The following EMSY variants were observed in gnomAD, a reference collection of about 807,000 sequenced individuals.
EMSY encodes the protein BRCA2-interacting transcriptional repressor EMSY.
EMSY carries 26 observed loss-of-function variants against 134.6 expected under a neutral mutation model. The observed-to-expected ratio is 0.19, with a 90% CI of 0.14 to 0.27. The LOEUF (loss-of-function observed/expected upper bound fraction) is 0.27, where lower values mean the gene tolerates loss of function less well. EMSY is among the 10% of genes least tolerant of loss of function. The pLI is 1.00. For missense variants in EMSY, 1,305 were observed against 1,611.4 expected, an observed-to-expected ratio of 0.81 and a Z score of 3.26; for synonymous variants, 579 against 577.8, an observed-to-expected ratio of 1.00 and a Z score of -0.03.
intron 20 of EMSY, among the ~76,000 whole-genome samples, chr11:76,548,394 C>G (rs1270923412): frequency 3.9e-5 from 6 of 152,180 alleles, no homozygotes; most frequent in African/African-American, 9.7e-5. Context: ...TTCATTCATT[C>G]ATTTATTCCA....
intron 12 of EMSY, among the ~76,000 whole-genome samples, chr11:76,524,652 A>C (rs1358354700): frequency 6.6e-6 from 1 of 152,226 alleles, no homozygotes; most frequent in African/African-American, 2.4e-5. Context: ...GTCATGTATG[A>C]TTCATAGCTG....
chr11:76,535,803 A>T (rs1951201619), intron 14 of EMSY, 92 bp from the exon 16 acceptor site: 1 of 1,033,364 alleles, frequency 9.7e-7, no homozygotes, highest in Non-Finnish European at 1.3e-6. Context: ...AAATAGAAAG[A>T]TAAGCAAACA....
intron 8 of EMSY, among the ~76,000 whole-genome samples, chr11:76,474,873 C>T (rs868839819): frequency 2.0e-5 from 3 of 152,294 alleles, no homozygotes; most frequent in Middle Eastern, 6.8e-3. Flanking sequence ...AAGCAATTCT[C>T]CTGCCCCAGC....
chr11:76,510,014 C>T (rs1024790635), intron 9 of EMSY, among the ~76,000 whole-genome samples: 3 of 152,122 alleles, frequency 2.0e-5, no homozygotes, highest in Non-Finnish European at 2.9e-5. Context: ...ATCATGCCAC[C>T]GCACTTCAGC....
chr11:76,486,441 C>CAG (rs1192281604), intron 8 of EMSY, among the ~76,000 whole-genome samples: 5 of 152,282 alleles, frequency 3.3e-5, no homozygotes, highest in South Asian at 4.1e-4. Flanking sequence ...CAGCAGTGAA[C>CAG]AGAGGCATGA....
intron 12 of EMSY, among the ~76,000 whole-genome samples, chr11:76,524,053 CA>C (rs1565345969): frequency 6.6e-6 from 1 of 151,964 alleles, no homozygotes; most frequent in East Asian, 1.9e-4. Flanking sequence ...TTGCCTCAAA[CA>C]AAAAATAAAT....
At chr11:76,508,906 G>C (rs2513515) in intron 9 of EMSY, among the ~76,000 whole-genome samples, 61,148 of 151,878 alleles carry the variant, frequency 0.4, 12,717 homozygotes, top group South Asian at 0.51. Flanking sequence ...CCTAATTTCA[G>C]TATCATTGTG....
chr11:76,539,493 G>A, intron 16 of EMSY, 106 bp from the exon 18 acceptor site: 1 of 1,072,494 alleles, frequency 9.3e-7, no homozygotes, highest in South Asian at 1.4e-5. Flanking sequence ...AATTCAAGCA[G>A]AGGCCAGTAT....
intron 8 of EMSY, 72 bp from the exon 10 acceptor site, chr11:76,496,143 C>T: frequency 6.9e-7 from 1 of 1,444,096 alleles, no homozygotes; most frequent in Non-Finnish European, 9.4e-7. Flanking sequence ...CTATTATCTA[C>T]TATAATAACC....
intron 15 of EMSY, 32 bp downstream of exon 16, chr11:76,536,091 A>G (rs1321255933): frequency 7.0e-7 from 1 of 1,420,700 alleles, no homozygotes; most frequent in Non-Finnish European, 9.3e-7. Context: ...TGAATGAAGC[A>G]TGTTTTCTCT....
At chr11:76,522,428 C>T (rs1950681022) in intron 11 of EMSY, among the ~76,000 whole-genome samples, 3 of 130,660 alleles carry the variant, frequency 2.3e-5, no homozygotes, top group South Asian at 5.1e-4. Flanking sequence ...AGTGCAGTGG[C>T]GCAATCTCAG....
intron 20 of EMSY, chr11:76,547,232 A>G: frequency 7.1e-6 from 2 of 280,880 alleles, no homozygotes; most frequent in Non-Finnish European, 1.4e-5. Context: ...AGGATTTACC[A>G]TCAATTCATT....
chr11:76,546,053 C>T, exon 20 of EMSY: 1 of 1,614,184 alleles, frequency 6.2e-7, no homozygotes. Context: ...GCTCTTGCCA[C>T]TAGCATGCTC....
intron 9 of EMSY, among the ~76,000 whole-genome samples, chr11:76,504,128 CA>C (rs1014918950): frequency 6.6e-6 from 1 of 151,894 alleles, no homozygotes; most frequent in Non-Finnish European, 1.5e-5. Context: ...AGTAAAAAGA[CA>C]ATTCAGAGAA....
At chr11:76,532,315 C>A (rs1951071663) in intron 14 of EMSY, among the ~76,000 whole-genome samples, 1 of 151,602 alleles carries the variant, frequency 6.6e-6, no homozygotes, top group Non-Finnish European at 1.5e-5. Flanking sequence ...TAAGCTGCAG[C>A]CTTATAAACT....
chr11:76,500,000 C>T (rs1424196331), intron 9 of EMSY, among the ~76,000 whole-genome samples: 2 of 151,104 alleles, frequency 1.3e-5, no homozygotes, highest in Admixed American at 6.6e-5. Context: ...TTGCTTGAGC[C>T]CAGAAGTTTG....
chr11:76,546,398 G>T, intron 20 of EMSY, 101 bp downstream of exon 21: 1 of 1,425,496 alleles, frequency 7.0e-7, no homozygotes, highest in Admixed American at 2.3e-5. Flanking sequence ...AGCCAAGACA[G>T]CAGGAAGACA....
chr11:76,506,861 C>T (rs757479970), intron 9 of EMSY, among the ~76,000 whole-genome samples: 3 of 152,138 alleles, frequency 2.0e-5, no homozygotes, highest in Non-Finnish European at 2.9e-5. Context: ...CCTACAGATA[C>T]ACATACAAAA....
At chr11:76,524,500 T>G (rs1284935090) in intron 12 of EMSY, among the ~76,000 whole-genome samples, 2 of 152,168 alleles carry the variant, frequency 1.3e-5, no homozygotes, top group African/African-American at 4.8e-5. Context: ...TAGCCTGAAT[T>G]TACATAGTAA....
Sources: gnomAD v4.1 joint callset for allele counts (sites outside exome capture counted in the v4.1 genomes callset) on GRCh38, gnomAD v4.1.1 for gene constraint, MANE v1.5 for transcripts, NCBI Gene and HGNC (gene_info 2026-07-23, HGNC 2026-07-21) for gene names.